THRA: variants seen among roughly 807,000 people sequenced by gnomAD.
THRA encodes the protein thyroid hormone receptor alpha.
A neutral mutation model predicts 45.0 loss-of-function variants in THRA; 13 were observed. The observed-to-expected ratio is 0.29, with a 90% CI of 0.19 to 0.46. THRA has a LOEUF of 0.46. THRA is among the 20% of genes least tolerant of loss of function. The pLI is 1.00. For missense variants in THRA, 278 were observed against 556.1 expected (o/e 0.50, Z 5.03); for synonymous variants, 195 against 214.0 (o/e 0.91, Z 0.78).
At chr17:40,063,394 G>T (rs1986431338) in intron 1 of THRA, among the ~76,000 whole-genome samples, 1 of 152,098 alleles carries the variant, frequency 6.6e-6, no homozygotes, top group Non-Finnish European at 1.5e-5. Context: ...AGTCTGCTGC[G>T]CATTCCCGGG....
At chr17:40,071,373 C>T (rs1420657383) in intron 1 of THRA, among the ~76,000 whole-genome samples, 1 of 152,236 alleles carries the variant, frequency 6.6e-6, no homozygotes, top group Non-Finnish European at 1.5e-5. Context: ...GACGGCTCGG[C>T]AGTGGGAACC....
At chr17:40,093,569 T>C, downstream of THRA, 2 of 949,610 alleles carry the variant, frequency 2.1e-6, no homozygotes, top group South Asian at 3.6e-5. This position sits in a 1 kb window ranked among gnomAD's most constrained non-coding sequence, Gnocchi z 5.9. Flanking sequence ...TGCTTTTTGC[T>C]GTGTAGTTCC....
At chr17:40,074,953 CG>C (rs1399128988) in intron 2 of THRA, among the ~76,000 whole-genome samples, 2 of 152,234 alleles carry the variant, frequency 1.3e-5, no homozygotes, top group African/African-American at 4.8e-5. Flanking sequence ...CTGCGGTTCA[CG>C]TAATACATTT....
chr17:40,066,079 G>A (rs1256214578), intron 1 of THRA, among the ~76,000 whole-genome samples: 2 of 152,196 alleles, frequency 1.3e-5, no homozygotes, highest in African/African-American at 4.8e-5. Flanking sequence ...CCCAGCCTCA[G>A]GGCCTGGTTC....
At position 40,074,314 on chromosome 17, in the gene THRA, C is replaced by G. The variant is rs1986876655; in HGVS notation, c.-175C>G. ...CCTGGCCCCTCCCACCGCCCGCCCCCCTTGGGGCGCAGGGCATGGTGTGAA... is the reference window on the plus strand; with the variant it reads ...CCTGGCCCCTCCCACCGCCCGCCCCGCTTGGGGCGCAGGGCATGGTGTGAA... On this transcript the variant is annotated 5_prime_UTR_variant, in exon 2 of 9. Transcript: ENST00000450525. 1.5e-5 allele frequency: 10 copies of G among 689,406 alleles called. No homozygotes were observed. Among genetic ancestry groups the G allele is most frequent in the South Asian group, 1.1e-4 (6 of 55,746 alleles). 42.7% of individuals were successfully genotyped at this position (689,406 alleles called of 1,614,324 possible).
At chr17:40,070,713 G>A (rs1368006008) in intron 1 of THRA, among the ~76,000 whole-genome samples, 1 of 152,048 alleles carries the variant, frequency 6.6e-6, no homozygotes, top group East Asian at 1.9e-4. Context: ...AGCAGGCAGA[G>A]GGGAAGGGGA....
At chr17:40,093,404 G>A (rs1406651031), downstream of THRA, 2 of 1,600,394 alleles carry the variant, frequency 1.2e-6, no homozygotes, top group Non-Finnish European at 1.7e-6. This position sits in a 1 kb window ranked among gnomAD's most constrained non-coding sequence, Gnocchi z 5.9. Flanking sequence ...AGGCCGATGG[G>A]GAAGGAGAAG....
chr17:40,074,159 C>T, intron 1 of THRA, 33 bp from the exon 2 acceptor site: 1 of 328,490 alleles, frequency 3.0e-6, no homozygotes, highest in Non-Finnish European at 5.9e-6. Flanking sequence ...ACCGTGACAC[C>T]TTCTTACCCC....
At position 40,089,451 on chromosome 17, in the gene THRA, G is replaced by A; in HGVS notation, c.1228G>A (p.Val410Ile). 1 of 1,614,080 alleles carries A rather than the reference G, an allele frequency of 6.2e-7. No individual in the cohort carries two copies. The highest frequency in any genetic ancestry group is 8.5e-7 in the Non-Finnish European group (1 of 1,179,964). Residue 410 changes from valine (V) to isoleucine (I), a missense_variant, in exon 9 of 9, where the codon GTC (valine) becomes ATC (isoleucine). Val to Ile is a conservative substitution (Grantham distance 29). This residue lies in a region of THRA where 14 missense variants were observed against 56.3 expected (regional missense o/e 0.25). Coordinates refer to ENST00000450525, the MANE Select transcript of THRA (RefSeq NM_199334.5). The surrounding 1 kb of genome is among the most constrained non-coding windows in gnomAD (Gnocchi z 6.1). ...CCTCGAGGTCTTTGAGGATCAGGAA[G>A]TCTAAAGCCTCAGGCGGCCAGAGGG... The part of the protein sequence containing the change: ...LFLEVFEDQE[V>I]
intron 1 of THRA, among the ~76,000 whole-genome samples, chr17:40,073,298 G>A (rs544156909): frequency 2.8e-4 from 43 of 152,284 alleles, no homozygotes; most frequent in Non-Finnish European, 5.3e-4. Flanking sequence ...TGGTGGGCCC[G>A]GCTTGGCACT....
intron 1 of THRA, among the ~76,000 whole-genome samples, chr17:40,064,290 G>A (rs1986473443): frequency 6.6e-6 from 1 of 152,190 alleles, no homozygotes; most frequent in Admixed American, 6.5e-5. Context: ...GGGCAAGGAG[G>A]AGTTGCTGTC....
chr17:40,069,605 G>A (rs997870371), intron 1 of THRA, among the ~76,000 whole-genome samples: 5 of 152,086 alleles, frequency 3.3e-5, no homozygotes, highest in African/African-American at 1.2e-4. Context: ...GGGGGAGGGT[G>A]GGGAGAATGT....
At chr17:40,066,134 TC>T (rs1268725495) in intron 1 of THRA, among the ~76,000 whole-genome samples, 1 of 152,164 alleles carries the variant, frequency 6.6e-6, no homozygotes, top group Non-Finnish European at 1.5e-5. Context: ...AGCGAGGCCC[TC>T]CCACCCGTGA....
Position 40,089,876 on chromosome 17 carries a change from T to A in THRA, c.*420T>A. ...CCCCCACCCAGTTCCTTGGCCTAGG[T>A]CTCCCCTCCAGGCTGAGGGCCTCTC... On this transcript the variant is annotated 3_prime_UTR_variant, in exon 9 of 9. Coordinates refer to ENST00000450525, the MANE Select transcript of THRA (RefSeq NM_199334.5). This position sits in a 1 kb window ranked among gnomAD's most constrained non-coding sequence, Gnocchi z 6.1. The A allele has an allele frequency of 9.9e-7, 1 of 1,014,646 alleles. No homozygotes were observed. Among genetic ancestry groups the A allele is most frequent in the African/African-American group, 1.7e-5 (1 of 57,926 alleles). 62.9% of individuals were successfully genotyped at this position (1,014,646 alleles called of 1,614,324 possible). A position where few individuals can be genotyped will look rare whatever the true frequency, so the allele number is the denominator to read the frequency against.
At chr17:40,068,118 T>G (rs967218289) in intron 1 of THRA, among the ~76,000 whole-genome samples, 1 of 152,192 alleles carries the variant, frequency 6.6e-6, no homozygotes, top group African/African-American at 2.4e-5. Context: ...AACTGTTGTG[T>G]CTCTTGGGGA....
rs538589226 is a variant in THRA, at chr17:40,077,760, C to T, written c.222+152C>T. 8.5e-4 allele frequency: 521 copies of T among 609,724 alleles called. 1 individual carries two copies. Among genetic ancestry groups the T allele is most frequent in the Admixed American group, 1.8e-3 (60 of 33,482 alleles). 37.8% of individuals were successfully genotyped at this position (609,724 alleles called of 1,614,324 possible). A position where few individuals can be genotyped will look rare whatever the true frequency, so the allele number is the denominator to read the frequency against. ...TCCCCCAGGCTGGAGTGCAGTGGCGCGATCATGGCTCACTGCAACCTCCGC... is the reference window on the plus strand; with the variant it reads ...TCCCCCAGGCTGGAGTGCAGTGGCGTGATCATGGCTCACTGCAACCTCCGC... On this transcript the variant is annotated intron_variant, in intron 4 of 8. Coordinates refer to ENST00000450525, the MANE Select transcript of THRA (RefSeq NM_199334.5).
chr17:40,070,402 G>A (rs1986732992), intron 1 of THRA, among the ~76,000 whole-genome samples: 1 of 152,208 alleles, frequency 6.6e-6, no homozygotes, highest in Non-Finnish European at 1.5e-5. Context: ...GTATGGGAAA[G>A]GACAGGGAGT....
chr17:40,079,978 A>G (rs1205399154), intron 4 of THRA, among the ~76,000 whole-genome samples: 1 of 152,006 alleles, frequency 6.6e-6, no homozygotes, highest in Non-Finnish European at 1.5e-5. Context: ...GAGGCAGGAG[A>G]ATCTCTTGAA....
At chr17:40,076,279 A>C (rs905880707) in intron 2 of THRA, among the ~76,000 whole-genome samples, 4 of 152,136 alleles carry the variant, frequency 2.6e-5, no homozygotes, top group African/African-American at 9.7e-5. Context: ...TATGACCTGG[A>C]GCTCAAGCAA....
Sources: gnomAD v4.1 joint callset for allele counts (sites outside exome capture counted in the v4.1 genomes callset) on GRCh38, gnomAD v4.1.1 for gene constraint, gnomAD v4.1.1 regional missense constraint, Gnocchi (gnomAD v3.1) non-coding constraint, MANE v1.5 for transcripts, NCBI Gene and HGNC (gene_info 2026-07-23, HGNC 2026-07-21) for gene names.